The following NCKAP5 variants were observed in gnomAD, a reference collection of about 807,000 sequenced individuals.
NCKAP5 encodes nck-associated protein 5.
A neutral mutation model predicts 167.0 loss-of-function variants in NCKAP5; 92 were observed. The ratio of observed to expected loss-of-function variants is 0.55; its 90% CI spans 0.47 to 0.66. The LOEUF (loss-of-function observed/expected upper bound fraction) is 0.66. NCKAP5 is among the 30% of genes least tolerant of loss of function. The pLI, the probability that NCKAP5 is intolerant of heterozygous loss-of-function variation, is 0.00. For synonymous variants in NCKAP5, 891 were observed against 877.4 expected, an observed-to-expected ratio of 1.02 and a Z score of -0.27; for missense variants, 2,378 against 2,315.0, an observed-to-expected ratio of 1.03 and a Z score of -0.56.
At chr2:133,223,252 T>C (rs2086731032) in intron 4 of NCKAP5, among the ~76,000 whole-genome samples, 1 of 152,196 alleles carries the variant, frequency 6.6e-6, no homozygotes, top group African/African-American at 2.4e-5. Context: ...CACTAAAATC[T>C]TAAACAGAAG....
chr2:133,188,460 C>T (rs4954040), intron 5 of NCKAP5, among the ~76,000 whole-genome samples: 50,012 of 151,850 alleles, frequency 0.33, 8,914 homozygotes, highest in East Asian at 0.58. Flanking sequence ...GAACTCTCCA[C>T]CCCAAATCAA....
intron 3 of NCKAP5, among the ~76,000 whole-genome samples, chr2:133,327,954 C>T (rs1682565405): frequency 6.6e-6 from 1 of 152,026 alleles, no homozygotes; most frequent in South Asian, 2.1e-4. Flanking sequence ...TCCTACAATG[C>T]CCAGGATAGC....
the NCKAP5 span, among the ~76,000 whole-genome samples, chr2:133,606,062 T>G: frequency 2.6e-5 from 4 of 152,158 alleles, no homozygotes; most frequent in African/African-American, 9.7e-5. Context: ...AAGTTAACAG[T>G]GGAAAAGGCT....
intron 8 of NCKAP5, among the ~76,000 whole-genome samples, chr2:132,950,877 A>T (rs1033216781): frequency 1.8e-4 from 27 of 152,180 alleles, no homozygotes; most frequent in Non-Finnish European, 4.4e-5. Context: ...CCAGGAACCT[A>T]AGAAGCAAAA....
At position 132,785,127 on chromosome 2, in the gene NCKAP5, C is replaced by G; in HGVS notation, c.1684G>C (p.Glu562Gln). The G allele has an allele frequency of 6.2e-7, 1 of 1,613,264 alleles. No individual in the cohort carries two copies. Among genetic ancestry groups the G allele is most frequent in the Non-Finnish European group, 8.5e-7 (1 of 1,179,622 alleles). ...PSVQTPQVQR[E>Q]RGPQGQGHGR... ...TGGCCTTGGCCCTGTGGGCCCCTCTCCCTCTGTACCTGAGGCGTCTGCACA... is the reference window on the plus strand; with the variant it reads ...TGGCCTTGGCCCTGTGGGCCCCTCTGCCTCTGTACCTGAGGCGTCTGCACA... The change falls in exon 14 of 20, where the codon GAG becomes CAG. Residue 562 changes from glutamate (E) to glutamine (Q), a missense_variant. Around this residue, in one of 3 missense-constraint regions of NCKAP5, gnomAD observed 1,049 missense variants for 1,023.4 expected, o/e 1.02. Transcript: ENST00000409261.
chr2:133,069,686 T>C (rs2080321827), intron 6 of NCKAP5, among the ~76,000 whole-genome samples: 1 of 152,138 alleles, frequency 6.6e-6, no homozygotes, highest in South Asian at 2.1e-4. Flanking sequence ...AGATGCTCTG[T>C]TTGGGTTAAA....
intron 3 of NCKAP5, among the ~76,000 whole-genome samples, chr2:133,355,996 T>C (rs1574784696): frequency 6.6e-6 from 1 of 152,102 alleles, no homozygotes; most frequent in African/African-American, 2.4e-5. Flanking sequence ...GGCGTGATCA[T>C]GTCTCACCGA....
chr2:133,152,971 C>T (rs984172848), intron 5 of NCKAP5, among the ~76,000 whole-genome samples: 1 of 152,270 alleles, frequency 6.6e-6, no homozygotes, highest in Non-Finnish European at 1.5e-5. Flanking sequence ...TGTGTAAGTA[C>T]ACTCTGTGAT....
intron 8 of NCKAP5, among the ~76,000 whole-genome samples, chr2:132,914,784 C>A (rs562120610): frequency 6.6e-6 from 1 of 151,918 alleles, no homozygotes; most frequent in Non-Finnish European, 1.5e-5. Flanking sequence ...GTCACTGAGA[C>A]GTGAATGCTG....
At chr2:133,084,455 A>G (rs2080915308) in intron 6 of NCKAP5, among the ~76,000 whole-genome samples, 1 of 152,180 alleles carries the variant, frequency 6.6e-6, no homozygotes, top group South Asian at 2.1e-4. Context: ...CAAGCTTCTG[A>G]AACCAGCAGA....
chr2:133,521,998 A>G, intron 2 of NCKAP5, among the ~76,000 whole-genome samples: 1 of 151,914 alleles, frequency 6.6e-6, no homozygotes, highest in Non-Finnish European at 1.5e-5. Flanking sequence ...CCCCCTTTCC[A>G]CCTCACCTTG....
chr2:133,510,556 T>C (rs186013866), intron 3 of NCKAP5, among the ~76,000 whole-genome samples: 22 of 152,352 alleles, frequency 1.4e-4, no homozygotes, highest in African/African-American at 5.3e-4. Context: ...CCTTTGTCAA[T>C]TGTTTTGCTG....
At chr2:133,350,121 T>C (rs1684259772) in intron 3 of NCKAP5, among the ~76,000 whole-genome samples, 1 of 152,138 alleles carries the variant, frequency 6.6e-6, no homozygotes, top group African/African-American at 2.4e-5. Context: ...TGGTGGTTCA[T>C]GCAAACCTGG....
chr2:132,762,897 C>T (rs1203142784), intron 16 of NCKAP5, among the ~76,000 whole-genome samples: 3 of 152,280 alleles, frequency 2.0e-5, no homozygotes, highest in Non-Finnish European at 4.4e-5. Flanking sequence ...AAGGAATTGC[C>T]AGTGGGTGGG....
At chr2:132,899,680 G>T (rs1693469178) in intron 8 of NCKAP5, among the ~76,000 whole-genome samples, 1 of 152,168 alleles carries the variant, frequency 6.6e-6, no homozygotes, top group African/African-American at 2.4e-5. Context: ...TTCGAGACCA[G>T]CCTGACCAAC....
intron 3 of NCKAP5, among the ~76,000 whole-genome samples, chr2:133,413,193 G>A (rs1030959990): frequency 1.3e-5 from 2 of 152,216 alleles, no homozygotes; most frequent in African/African-American, 4.8e-5. Flanking sequence ...ATAGGCACAT[G>A]GGGACTAGTA....
chr2:133,066,578 T>G (rs1024328808), intron 6 of NCKAP5, among the ~76,000 whole-genome samples: 6 of 152,218 alleles, frequency 3.9e-5, no homozygotes, highest in Non-Finnish European at 5.9e-5. Context: ...AGAAAAACAT[T>G]GTAAACATGG....
intron 5 of NCKAP5, among the ~76,000 whole-genome samples, chr2:133,134,966 C>T (rs1444921978): frequency 6.8e-6 from 1 of 147,966 alleles, no homozygotes; most frequent in Admixed American, 6.7e-5. Flanking sequence ...CGTTTACTTA[C>T]TTGGCCCACA....
intron 7 of NCKAP5, among the ~76,000 whole-genome samples, chr2:132,992,377 T>C (rs2077474756): frequency 6.6e-6 from 1 of 152,216 alleles, no homozygotes; most frequent in Non-Finnish European, 1.5e-5. Context: ...ACCACAGATG[T>C]GGCTAATAAT....
Sources: gnomAD v4.1 joint callset for allele counts (sites outside exome capture counted in the v4.1 genomes callset) on GRCh38, gnomAD v4.1.1 for gene constraint, gnomAD v4.1.1 regional missense constraint, MANE v1.5 for transcripts, NCBI Gene and HGNC (gene_info 2026-07-23, HGNC 2026-07-21) for gene names.